The following UST variants were observed in gnomAD, a reference collection of about 807,000 sequenced individuals.
UST encodes the protein uronyl 2-sulfotransferase, also known as chondroitin sulfate 2-O-sulfotransferase.
In UST, 21 loss-of-function variants were observed where a neutral mutation model predicts 45.6. The observed-to-expected ratio is 0.46, with a 90% CI of 0.33 to 0.66. UST has a LOEUF of 0.66. Ranked by LOEUF, UST falls within the 30% of genes least tolerant of loss-of-function variation. The pLI is 0.02. For missense variants in UST, 463 were observed against 512.4 expected, an observed-to-expected ratio of 0.90 and a Z score of 0.93; for synonymous variants, 215 against 200.6, an observed-to-expected ratio of 1.07 and a Z score of -0.61.
At chr6:148,825,185 G>A (rs2114749984) in intron 1 of UST, among the ~76,000 whole-genome samples, 1 of 152,238 alleles carries the variant, frequency 6.6e-6, no homozygotes, top group Admixed American at 6.5e-5. Flanking sequence ...GACAGGCAGT[G>A]GACACCAAAA....
At chr6:148,841,576 G>GTTTTTTT (rs1385404214) in intron 1 of UST, among the ~76,000 whole-genome samples, 1 of 125,200 alleles carries the variant, frequency 8.0e-6, no homozygotes, top group Non-Finnish European at 1.7e-5. Flanking sequence ...AAGGGGGTCT[G>GTTTTTTT]TTTTGTTTTT....
rs987258663 is a variant in UST, at chr6:149,050,485, A to C, written c.938-23348A>C. Among the ~76,000 whole-genome samples, 16 of 152,348 alleles carry C rather than the reference A, an allele frequency of 1.1e-4. No individual in the cohort carries two copies. In the South Asian group the frequency reaches 2.9e-3, roughly 28 times the overall value. On this transcript the variant is annotated intron_variant, in intron 7 of 7. Coordinates refer to ENST00000367463, the MANE Select transcript of UST (RefSeq NM_005715.3). ...TGGTAAGTGTGGACACACCAACTCT[A>C]GTCAACCTCCCTCCCATTACATACC...
intron 1 of UST, among the ~76,000 whole-genome samples, chr6:148,852,174 C>T (rs1042193178): frequency 2.6e-5 from 4 of 152,156 alleles, no homozygotes; most frequent in African/African-American, 4.8e-5. Flanking sequence ...TAAGAAAGGA[C>T]CTCAAGCAAA....
intron 3 of UST, among the ~76,000 whole-genome samples, chr6:148,947,348 C>A (rs1413424843): frequency 6.6e-6 from 1 of 152,164 alleles, no homozygotes. Flanking sequence ...ACGATAGGCA[C>A]CAAAATCTGC....
chr6:148,978,263 G>A (rs184357871), intron 5 of UST, among the ~76,000 whole-genome samples: 2 of 152,006 alleles, frequency 1.3e-5, no homozygotes, highest in East Asian at 3.9e-4. Flanking sequence ...ATATAATGTT[G>A]ATAAAAATGA....
chr6:148,915,898 A>G (rs938947442), intron 2 of UST, among the ~76,000 whole-genome samples: 2 of 149,200 alleles, frequency 1.3e-5, no homozygotes, highest in African/African-American at 2.5e-5. Flanking sequence ...GGTTTCTAGC[A>G]GGGAATGGAT....
At chr6:148,856,209 G>T (rs1778201196) in intron 1 of UST, among the ~76,000 whole-genome samples, 1 of 151,932 alleles carries the variant, frequency 6.6e-6, no homozygotes, top group Admixed American at 6.6e-5. Context: ...GTAGAGATGG[G>T]GTTTCACCAT....
chr6:148,769,016 C>T (rs1288071095), intron 1 of UST, among the ~76,000 whole-genome samples: 7 of 152,230 alleles, frequency 4.6e-5, no homozygotes, highest in Non-Finnish European at 8.8e-5. Flanking sequence ...CTCCCTGGAC[C>T]TCTGTTGGCC....
At chr6:149,071,519 G>A (rs1267647238) in intron 7 of UST, among the ~76,000 whole-genome samples, 1 of 151,390 alleles carries the variant, frequency 6.6e-6, no homozygotes, top group Non-Finnish European at 1.5e-5. Flanking sequence ...CAGATAAAAT[G>A]GTCTCCATTA....
intron 1 of UST, among the ~76,000 whole-genome samples, chr6:148,754,030 T>A (rs1776041068): frequency 6.6e-6 from 1 of 151,560 alleles, no homozygotes; most frequent in South Asian, 2.1e-4. Flanking sequence ...AGGCTCGCTC[T>A]GTTGCCCAGG....
chr6:148,981,233 G>T (rs1397831760), intron 5 of UST, among the ~76,000 whole-genome samples: 1 of 152,160 alleles, frequency 6.6e-6, no homozygotes, highest in Non-Finnish European at 1.5e-5. Flanking sequence ...TCCTCACAAT[G>T]ATCTTATGAA....
At chr6:148,858,203 AG>A (rs1357544106) in intron 1 of UST, among the ~76,000 whole-genome samples, 3 of 152,222 alleles carry the variant, frequency 2.0e-5, no homozygotes, top group Non-Finnish European at 4.4e-5. Flanking sequence ...GCTGAGGAAC[AG>A]GGAAGCCAAT....
At chr6:148,923,872 G>A (rs1316925032) in intron 2 of UST, among the ~76,000 whole-genome samples, 1 of 152,200 alleles carries the variant, frequency 6.6e-6, no homozygotes, top group Non-Finnish European at 1.5e-5. Flanking sequence ...CCTGTTTTCA[G>A]CTGGGCTGAG....
At chr6:148,830,751 G>T (rs183367100) in intron 1 of UST, among the ~76,000 whole-genome samples, 2 of 152,312 alleles carry the variant, frequency 1.3e-5, no homozygotes, top group Admixed American at 1.3e-4. Context: ...AGTACCTAGA[G>T]TAGTCAAATT....
chr6:149,037,050 A>C, intron 7 of UST, among the ~76,000 whole-genome samples: 1 of 152,056 alleles, frequency 6.6e-6, no homozygotes, highest in East Asian at 1.9e-4. Context: ...GTTTGGGGGA[A>C]ACGTGTTCCC....
At chr6:149,059,562 C>G (rs1262650754) in intron 7 of UST, among the ~76,000 whole-genome samples, 2 of 152,172 alleles carry the variant, frequency 1.3e-5, no homozygotes, top group African/African-American at 2.4e-5. Context: ...ATTTGCTTCT[C>G]CCTTTATTGT....
intron 4 of UST, among the ~76,000 whole-genome samples, chr6:148,954,152 T>C (rs1780432017): frequency 6.6e-6 from 1 of 152,224 alleles, no homozygotes; most frequent in South Asian, 2.1e-4. Context: ...TTAAATCTTA[T>C]AAAAACTTGG....
intron 7 of UST, among the ~76,000 whole-genome samples, chr6:149,064,884 A>T (rs953130866): frequency 4.3e-5 from 5 of 115,090 alleles, no homozygotes; most frequent in Admixed American, 4.1e-4. Flanking sequence ...CAACAACTGA[A>T]TCCATTTCTA....
chr6:149,001,186 G>A lies in UST; in HGVS notation c.682-17953G>A, dbSNP rs185226037. Among the ~76,000 whole-genome samples, 296 of 151,130 alleles carry A rather than the reference G, an allele frequency of 2.0e-3. 1 individual carries two copies. Among genetic ancestry groups the A allele is most frequent in the African/African-American group, 6.5e-3 (266 of 41,182 alleles). ...TCCCAGGTTCATGCCATTCTCCTGC[G>A]TCAGCCTCCTGAGTAGCTGGGACTG... On this transcript the variant is annotated intron_variant, in intron 5 of 7. Transcript: ENST00000367463.
Sources: gnomAD v4.1 joint callset for allele counts (sites outside exome capture counted in the v4.1 genomes callset) on GRCh38, gnomAD v4.1.1 for gene constraint, MANE v1.5 for transcripts, NCBI Gene and HGNC (gene_info 2026-07-23, HGNC 2026-07-21) for gene names.